The following KAZN variants were observed in gnomAD, a reference collection of about 807,000 sequenced individuals.
The protein encoded by KAZN is kazrin, periplakin interacting protein, also known as kazrin.
KAZN carries 40 observed loss-of-function variants against 87.4 expected under a neutral mutation model. The observed-to-expected ratio is 0.46, with a 90% CI of 0.36 to 0.60. KAZN has a LOEUF of 0.60. Among genes scored for constraint, KAZN ranks in the 20% least tolerant of loss-of-function variants. The probability of loss-of-function intolerance (pLI) is 0.00; values close to 1 mark genes in which losing one functional copy is unlikely to be tolerated. For missense variants in KAZN, 898 were observed against 1,073.9 expected, an observed-to-expected ratio of 0.84 and a Z score of 2.29; for synonymous variants, 466 against 458.3, an observed-to-expected ratio of 1.02 and a Z score of -0.22.
chr1:14,431,993 C>T (rs1048940642), intron 2 of KAZN, among the ~76,000 whole-genome samples: 1 of 152,158 alleles, frequency 6.6e-6, no homozygotes, highest in African/African-American at 2.4e-5. Flanking sequence ...TTGGTTCTGT[C>T]CCTCTGGAGA....
intron 1 of KAZN, among the ~76,000 whole-genome samples, chr1:14,695,519 T>C (rs1430491886): frequency 7.2e-6 from 1 of 139,394 alleles, no homozygotes; most frequent in Admixed American, 7.2e-5. Context: ...TCTTTTTTTT[T>C]TTTTTTGATG....
chr1:14,442,469 C>T (rs1666758207), intron 2 of KAZN, among the ~76,000 whole-genome samples: 1 of 152,162 alleles, frequency 6.6e-6, no homozygotes, highest in Admixed American at 6.5e-5. Context: ...TCACAGAGGA[C>T]CTGCTGAAAC....
At chr1:14,199,471 C>T (rs578185478) in intron 2 of KAZN, among the ~76,000 whole-genome samples, 13 of 152,344 alleles carry the variant, frequency 8.5e-5, no homozygotes, top group African/African-American at 2.4e-4. Context: ...CATCAATTCT[C>T]TATCTTACTC....
chr1:13,971,793 C>T (rs1197693340), intron 1 of KAZN, among the ~76,000 whole-genome samples: 1 of 152,140 alleles, frequency 6.6e-6, no homozygotes, highest in Non-Finnish European at 1.5e-5. Context: ...CCCCTTGGTA[C>T]TGTCCTCATG....
chr1:14,082,124 C>T (rs1438142376), intron 1 of KAZN, among the ~76,000 whole-genome samples: 1 of 152,106 alleles, frequency 6.6e-6, no homozygotes, highest in Non-Finnish European at 1.5e-5. Context: ...GGCCACCAAA[C>T]GTTCCATGGT....
chr1:13,900,178 A>G (rs1201918349), intron 1 of KAZN, among the ~76,000 whole-genome samples: 1 of 152,140 alleles, frequency 6.6e-6, no homozygotes, highest in Non-Finnish European at 1.5e-5. Context: ...CCTGGATTCC[A>G]GGTCAGTGGG....
At chr1:14,633,890 A>C (rs762976279) in intron 1 of KAZN, among the ~76,000 whole-genome samples, 8 of 151,814 alleles carry the variant, frequency 5.3e-5, no homozygotes, top group South Asian at 4.2e-4. Context: ...CTCTCTATAT[A>C]TATATATTTA....
intron 2 of KAZN, among the ~76,000 whole-genome samples, chr1:14,279,379 C>T (rs1257327547): frequency 6.6e-6 from 1 of 152,180 alleles, no homozygotes; most frequent in Admixed American, 6.5e-5. Flanking sequence ...CCCTCATGTG[C>T]ACATCCTAGG....
In KAZN at chr1:14,030,571, A is replaced by G. The variant is rs141026399; in HGVS notation, c.91+136815A>G. Among the ~76,000 whole-genome samples, 1,355 of 152,098 alleles carry G rather than the reference A, an allele frequency of 8.9e-3. 26 individuals carry two copies. The highest frequency in any genetic ancestry group is 0.031 in the African/African-American group (1,293 of 41,442). Reference sequence around the variant, plus strand: ...AATGTGCACATGTACCCTAAAACATAAAGTATAATAAAAATAAATAAGTAA... The same window carrying G: ...AATGTGCACATGTACCCTAAAACATGAAGTATAATAAAAATAAATAAGTAA... On this transcript the variant is annotated intron_variant, in intron 1 of 16. Transcript: ENST00000636203.
At chr1:14,314,449 C>A (rs1655513448) in intron 2 of KAZN, among the ~76,000 whole-genome samples, 1 of 152,106 alleles carries the variant, frequency 6.6e-6, no homozygotes. Flanking sequence ...TGCCTCCATT[C>A]CCTATGTCCT....
chr1:14,895,474 C>T (rs1305189725), intron 1 of KAZN, among the ~76,000 whole-genome samples: 1 of 152,236 alleles, frequency 6.6e-6, no homozygotes, highest in Non-Finnish European at 1.5e-5. Flanking sequence ...GCAGCCCAAG[C>T]CTCCACAGCC....
At chr1:14,367,900 A>G (rs1393698986) in intron 2 of KAZN, among the ~76,000 whole-genome samples, 2 of 152,150 alleles carry the variant, frequency 1.3e-5, no homozygotes, top group African/African-American at 2.4e-5. Context: ...GTTTGATTGT[A>G]TCTGAACCTT....
intron 2 of KAZN, among the ~76,000 whole-genome samples, chr1:15,013,900 T>C (rs1573063799): frequency 6.6e-6 from 1 of 152,002 alleles, no homozygotes; most frequent in African/African-American, 2.4e-5. Flanking sequence ...GCAGAGTGGA[T>C]GGGAAGTGCA....
chr1:14,926,385 T>A (rs1659171058), intron 1 of KAZN, among the ~76,000 whole-genome samples: 1 of 152,200 alleles, frequency 6.6e-6, no homozygotes, highest in South Asian at 2.1e-4. Flanking sequence ...AGCCCAGGAA[T>A]GCCTGTTTCC....
chr1:14,675,417 CCT>C (rs1640162487), intron 1 of KAZN, among the ~76,000 whole-genome samples: 1 of 152,148 alleles, frequency 6.6e-6, no homozygotes, highest in African/African-American at 2.4e-5. Flanking sequence ...AAAATATTTC[CCT>C]CTTATTTTCA....
At chr1:15,090,792 G>A (rs769450432) in intron 8 of KAZN, among the ~76,000 whole-genome samples, 1 of 152,216 alleles carries the variant, frequency 6.6e-6, no homozygotes, top group Non-Finnish European at 1.5e-5. Flanking sequence ...GAGTCCTCAC[G>A]GCAGCCCACA....
intron 1 of KAZN, among the ~76,000 whole-genome samples, chr1:14,169,376 T>C (rs1645901234): frequency 6.6e-6 from 1 of 151,950 alleles, no homozygotes; most frequent in Non-Finnish European, 1.5e-5. Flanking sequence ...AGACTGCCCA[T>C]TAGAATGTGG....
intron 1 of KAZN, among the ~76,000 whole-genome samples, chr1:14,811,122 C>T (rs1646395589): frequency 1.3e-5 from 2 of 152,182 alleles, no homozygotes; most frequent in Admixed American, 6.5e-5. Context: ...AGGAATTCCT[C>T]GCCCTCCCCC....
At chr1:14,867,724 A>ACCCCCC in intron 1 of KAZN, among the ~76,000 whole-genome samples, 347 of 107,438 alleles carry the variant, frequency 3.2e-3, no homozygotes, top group Middle Eastern at 4.3e-3. Context: ...CTTTGAAGAC[A>ACCCCCC]CCCCCCCCCC....
Sources: allele counts gnomAD v4.1 joint callset (sites outside exome capture counted in the v4.1 genomes callset), GRCh38; gene constraint gnomAD v4.1.1; transcripts MANE v1.5; gene names NCBI Gene and HGNC (gene_info 2026-07-23, HGNC 2026-07-21).